Variants in AMZ1 observed in about 807,000 individuals in gnomAD.
The protein encoded by AMZ1 is archaelysin family metallopeptidase 1.
A neutral mutation model predicts 29.9 loss-of-function variants in AMZ1; 39 were observed. The ratio of observed to expected loss-of-function variants is 1.30; its 90% CI spans 1.01 to 1.70. The LOEUF is 1.70. AMZ1 is among the 40% of genes most tolerant of loss of function. The probability of loss-of-function intolerance (pLI) is 0.00; values close to 1 mark genes in which losing one functional copy is unlikely to be tolerated. For synonymous variants in AMZ1, 458 were observed against 304.0 expected, an observed-to-expected ratio of 1.51 and a Z score of -5.27; for missense variants, 1,041 against 680.6, an observed-to-expected ratio of 1.53 and a Z score of -5.89.
chr7:2,744,569 A>G (rs868361376), intron 4 of AMZ1, among the ~76,000 whole-genome samples: 1 of 152,354 alleles, frequency 6.6e-6, no homozygotes, highest in South Asian at 2.1e-4. Context: ...AAGATGGGGA[A>G]AAAACAGAGC....
rs559270539 is a variant in AMZ1 at position 2,714,844 on chromosome 7, C to G, written c.*1966C>G. 1 of 152,314 alleles carries G rather than the reference C, an allele frequency of 6.6e-6. No homozygotes were observed. 9.4% of individuals were successfully genotyped at this position (152,314 alleles called of 1,614,324 possible). On this transcript the variant is annotated 3_prime_UTR_variant, in exon 7 of 7. Coordinates refer to ENST00000683327, the MANE Select transcript of AMZ1 (RefSeq NM_001384743.1). Reference sequence around the variant, plus strand: ...GCAGCTGCCATACCGTGAGGAAACCCGACAAACAGGGCAGCCAGAGCCAGA... The same window carrying G: ...GCAGCTGCCATACCGTGAGGAAACCGGACAAACAGGGCAGCCAGAGCCAGA...
chr7:2,707,897 C>T (rs1291137444), intron 3 of AMZ1, among the ~76,000 whole-genome samples: 1 of 144,658 alleles, frequency 6.9e-6, no homozygotes, highest in Non-Finnish European at 1.5e-5. Flanking sequence ...GATGTCAGCT[C>T]ATTGCCACCT....
At chr7:2,748,291 G>A in intron 4 of AMZ1, among the ~76,000 whole-genome samples, 1 of 152,230 alleles carries the variant, frequency 6.6e-6, no homozygotes, top group Non-Finnish European at 1.5e-5. Flanking sequence ...AAAACAGCAT[G>A]GTACTGGTAC....
rs745662042 is a variant in AMZ1, at chr7:2,731,950, G to C, written n.550+22134G>C. On this transcript the variant is annotated intron_variant and non_coding_transcript_variant, in intron 4 of 4. Transcript: ENST00000489665. This position sits in a 1 kb window ranked among gnomAD's most constrained non-coding sequence, Gnocchi z 6.0. ...AGAATCAAATACTTCATTTCAAAAC[G>C]AACGGAGGCTCACCAGTCTGAGGAC... 6.6e-6 allele frequency among the ~76,000 whole-genome samples: 1 copy of C among 152,144 alleles called. No individual in the cohort carries two copies. Among genetic ancestry groups the C allele is most frequent in the South Asian group, 2.1e-4 (1 of 4,830 alleles).
upstream of AMZ1, among the ~76,000 whole-genome samples, chr7:2,763,834 C>A (rs78782253): frequency 2.6e-5 from 4 of 152,308 alleles, no homozygotes; most frequent in East Asian, 7.7e-4. Context: ...GCACTGAGAT[C>A]CCCACTCAGT....
chr7:2,737,144 A>T (rs961280951), intron 4 of AMZ1, among the ~76,000 whole-genome samples: 1 of 152,190 alleles, frequency 6.6e-6, no homozygotes, highest in African/African-American at 2.4e-5. Flanking sequence ...TAAGCGTCTA[A>T]GTAGGGACAG....
rs199532678 is a variant in AMZ1, at chr7:2,709,719, G to A, written c.851G>A (p.Ser284Asn). Residue 284 changes from serine (S) to asparagine (N), a missense_variant, in exon 6 of 7, where the codon AGC (serine) becomes AAC (asparagine). Transcript: ENST00000683327. ...WLRCLMQGAL[S>N]LDEALRRPLD... ...CGCTGCCTCATGCAGGGTGCGCTCAGCCTGGACGAGGCCCTGCGGCGGCCC... is the reference window on the plus strand; with the variant it reads ...CGCTGCCTCATGCAGGGTGCGCTCAACCTGGACGAGGCCCTGCGGCGGCCC... 1.2e-6 allele frequency: 2 copies of A among 1,611,296 alleles called. No individual in the cohort carries two copies. The highest frequency in any genetic ancestry group is 2.7e-5 in the African/African-American group (2 of 75,008).
At chr7:2,689,108 A>G (rs1279167027) in intron 1 of AMZ1, among the ~76,000 whole-genome samples, 1 of 152,160 alleles carries the variant, frequency 6.6e-6, no homozygotes, top group African/African-American at 2.4e-5. Context: ...AACCCCCAAA[A>G]CCATCCGTCC....
At chr7:2,744,202 G>A (rs1456460027) in intron 4 of AMZ1, among the ~76,000 whole-genome samples, 5 of 152,250 alleles carry the variant, frequency 3.3e-5, no homozygotes, top group Non-Finnish European at 5.9e-5. Context: ...CTGGAGATCT[G>A]AGAACGGGCA....
At chr7:2,721,289 G>A (rs531954752), downstream of AMZ1, among the ~76,000 whole-genome samples, 1 of 152,308 alleles carries the variant, frequency 6.6e-6, no homozygotes, top group South Asian at 2.1e-4. Flanking sequence ...CTCCTGCCGC[G>A]CACCGCAGAT....
At chr7:2,702,479 T>G in intron 2 of AMZ1, 1 of 536,350 alleles carries the variant, frequency 1.9e-6, no homozygotes, top group East Asian at 3.3e-5. Context: ...TGAGCTCATA[T>G]GCGATTGTCA....
At chr7:2,736,184 C>T (rs370220875) in intron 4 of AMZ1, among the ~76,000 whole-genome samples, 6 of 152,172 alleles carry the variant, frequency 3.9e-5, no homozygotes, top group African/African-American at 1.4e-4. Context: ...ACTGAGATGT[C>T]CACATGAAAT....
intron 1 of AMZ1, among the ~76,000 whole-genome samples, chr7:2,689,310 G>C (rs899716981): frequency 2.0e-5 from 3 of 152,086 alleles, no homozygotes; most frequent in Non-Finnish European, 4.4e-5. Flanking sequence ...GCCTGACCTT[G>C]GATACCTGGT....
chr7:2,761,346 G>A (rs998602645), upstream of AMZ1, among the ~76,000 whole-genome samples: 1 of 152,226 alleles, frequency 6.6e-6, no homozygotes, highest in African/African-American at 2.4e-5. Flanking sequence ...GAGGCACGGG[G>A]TGGGCACGCA....
chr7:2,734,431 G>A (rs1441477797), intron 4 of AMZ1, among the ~76,000 whole-genome samples: 1 of 152,262 alleles, frequency 6.6e-6, no homozygotes, highest in African/African-American at 2.4e-5. Context: ...TGTGGGAAGA[G>A]CAGTCACTTT....
At chr7:2,733,576 AG>A in intron 4 of AMZ1, 1 of 1,179,494 alleles carries the variant, frequency 8.5e-7, no homozygotes, top group Non-Finnish European at 1.3e-6. Flanking sequence ...AGAACTGAAC[AG>A]GGTAAGAGCA....
intron 4 of AMZ1, among the ~76,000 whole-genome samples, chr7:2,756,164 T>C (rs1193837001): frequency 2.0e-5 from 3 of 152,062 alleles, no homozygotes; most frequent in African/African-American, 4.8e-5. Context: ...GGCCAATTGA[T>C]TTATAAAAAA....
At chr7:2,693,669 CCTCAGCCTCCAGA>C (rs2115063333) in intron 1 of AMZ1, among the ~76,000 whole-genome samples, 2 of 152,320 alleles carry the variant, frequency 1.3e-5, no homozygotes, top group Admixed American at 1.3e-4. Flanking sequence ...CATTCTCCAG[CCTCAGCCTCCAGA>C]GTAGCTAGGA....
upstream of AMZ1, among the ~76,000 whole-genome samples, chr7:2,687,443 G>T (rs1267059554): frequency 2.0e-5 from 3 of 152,362 alleles, no homozygotes; most frequent in African/African-American, 7.2e-5. Context: ...CAGAGCTGGT[G>T]GGAGGCTGCC....
Sources: allele counts gnomAD v4.1 joint callset (sites outside exome capture counted in the v4.1 genomes callset), GRCh38; gene constraint gnomAD v4.1.1; non-coding constraint Gnocchi (gnomAD v3.1); transcripts MANE v1.5; gene names NCBI Gene and HGNC (gene_info 2026-07-23, HGNC 2026-07-21).